Variants in FSTL4 observed in about 807,000 individuals in gnomAD.
FSTL4 encodes the protein follistatin like 4.
A neutral mutation model predicts 78.2 loss-of-function variants in FSTL4; 28 were observed. The observed-to-expected ratio is 0.36, with a 90% confidence interval of 0.27 to 0.49. The LOEUF is 0.49. Among genes scored for constraint, FSTL4 ranks in the 20% least tolerant of loss-of-function variants. The probability of loss-of-function intolerance (pLI) is 0.98; values close to 1 mark genes in which losing one functional copy is unlikely to be tolerated. For synonymous variants in FSTL4, 422 were observed against 440.5 expected (o/e 0.96, Z 0.53); for missense variants, 922 against 1,084.9 (o/e 0.85, Z 2.11).
intron 3 of FSTL4, among the ~76,000 whole-genome samples, chr5:133,556,496 C>T (rs1759789611): frequency 6.6e-6 from 1 of 152,124 alleles, no homozygotes; most frequent in African/African-American, 2.4e-5. Flanking sequence ...GAGGCTGAGG[C>T]AGGTGGATCA....
At chr5:133,567,879 C>T (rs1408425807) in intron 2 of FSTL4, among the ~76,000 whole-genome samples, 7 of 152,136 alleles carry the variant, frequency 4.6e-5, no homozygotes, top group Admixed American at 3.9e-4. Context: ...AAACTGAGTA[C>T]CTGCATTGAT....
the FSTL4 span, among the ~76,000 whole-genome samples, chr5:133,676,923 GTT>G: frequency 6.6e-6 from 1 of 152,140 alleles, no homozygotes; most frequent in Admixed American, 6.6e-5. Flanking sequence ...CACCACGAGG[GTT>G]TTAATCCTGC....
intron 3 of FSTL4, among the ~76,000 whole-genome samples, chr5:133,428,202 C>T (rs1200434291): frequency 6.6e-6 from 1 of 152,156 alleles, no homozygotes; most frequent in Non-Finnish European, 1.5e-5. Context: ...GGATTGCAGC[C>T]AATGTGTGGA....
At chr5:133,674,041 C>T in the FSTL4 span, among the ~76,000 whole-genome samples, 2 of 152,154 alleles carry the variant, frequency 1.3e-5, no homozygotes, top group Admixed American at 1.3e-4. Flanking sequence ...AATTACAGTG[C>T]ACGCTGTGAT....
At chr5:133,737,636 A>T in the FSTL4 span, among the ~76,000 whole-genome samples, 1 of 121,508 alleles carries the variant, frequency 8.2e-6, no homozygotes, top group Admixed American at 1.1e-4. Context: ...ACGGAGTCTC[A>T]CTCTGTCACC....
At chr5:133,610,500 T>C (rs1761066989) in intron 1 of FSTL4, among the ~76,000 whole-genome samples, 1 of 152,180 alleles carries the variant, frequency 6.6e-6, no homozygotes. Context: ...ATGGCAGAAA[T>C]GGTCTAGTGA....
chr5:133,279,669 C>A (rs987976377), intron 6 of FSTL4, among the ~76,000 whole-genome samples: 1 of 152,186 alleles, frequency 6.6e-6, no homozygotes, highest in African/African-American at 2.4e-5. Flanking sequence ...ATGAGACCCA[C>A]GTCAGGGCAT....
chr5:133,595,885 C>T (rs893455837), intron 2 of FSTL4, among the ~76,000 whole-genome samples: 1 of 152,208 alleles, frequency 6.6e-6, no homozygotes, highest in Non-Finnish European at 1.5e-5. Flanking sequence ...AGATTTTAGC[C>T]TCCGGGGCCC....
chr5:133,289,491 T>C (rs757476685), intron 6 of FSTL4, among the ~76,000 whole-genome samples: 14 of 152,232 alleles, frequency 9.2e-5, no homozygotes, highest in African/African-American at 1.7e-4. Context: ...CTTCCCTAGA[T>C]GGGTCAGGAG....
At chr5:133,233,288 A>T in intron 8 of FSTL4, 129 bp downstream of exon 8, 1 of 1,038,222 alleles carries the variant, frequency 9.6e-7, no homozygotes, top group Non-Finnish European at 1.4e-6. Context: ...TTTACTTATA[A>T]GAGAGATGAT....
At chr5:133,577,402 C>A (rs1434150026) in intron 2 of FSTL4, among the ~76,000 whole-genome samples, 1 of 152,078 alleles carries the variant, frequency 6.6e-6, no homozygotes, top group African/African-American at 2.4e-5. Flanking sequence ...TCAGATGGCT[C>A]TGGGGTTAGA....
the FSTL4 span, among the ~76,000 whole-genome samples, chr5:133,782,066 C>T: frequency 6.6e-6 from 1 of 152,180 alleles, no homozygotes; most frequent in African/African-American, 2.4e-5. Flanking sequence ...CAGATTTACC[C>T]ACCCCCACTG....
intron 4 of FSTL4, among the ~76,000 whole-genome samples, chr5:133,371,442 T>G (rs952079745): frequency 3.9e-5 from 6 of 152,180 alleles, no homozygotes; most frequent in Non-Finnish European, 5.9e-5. Flanking sequence ...AAAGCAAGCA[T>G]GAGGGAAGAG....
At chr5:133,538,388 A>G (rs1436377892) in intron 3 of FSTL4, among the ~76,000 whole-genome samples, 1 of 152,234 alleles carries the variant, frequency 6.6e-6, no homozygotes, top group Non-Finnish European at 1.5e-5. Context: ...ATCAAGAGGC[A>G]TATGATGTTG....
the FSTL4 span, among the ~76,000 whole-genome samples, chr5:133,809,704 G>A: frequency 6.6e-6 from 1 of 152,150 alleles, no homozygotes; most frequent in Non-Finnish European, 1.5e-5. Context: ...GAAGGAAGGA[G>A]TAAGGACCAG....
the FSTL4 span, among the ~76,000 whole-genome samples, chr5:133,814,121 A>C: frequency 1.3e-5 from 2 of 152,208 alleles, no homozygotes; most frequent in Non-Finnish European, 2.9e-5. Flanking sequence ...AAAACCTGAC[A>C]CTAATACTTC....
the FSTL4 span, among the ~76,000 whole-genome samples, chr5:133,781,903 T>C: frequency 1.3e-5 from 2 of 152,254 alleles, no homozygotes; most frequent in Non-Finnish European, 2.9e-5. Flanking sequence ...AAATATTTAA[T>C]AACCATTCAT....
intron 6 of FSTL4, among the ~76,000 whole-genome samples, chr5:133,295,474 G>A (rs1476518702): frequency 6.6e-6 from 1 of 152,064 alleles, no homozygotes; most frequent in Non-Finnish European, 1.5e-5. Flanking sequence ...AGCCTTCTTG[G>A]CCCTGCTATC....
chr5:133,591,976 G>A (rs1760637701), intron 2 of FSTL4, among the ~76,000 whole-genome samples: 1 of 152,084 alleles, frequency 6.6e-6, no homozygotes, highest in Non-Finnish European at 1.5e-5. Context: ...TGAATCCCCT[G>A]GCTCACAGAC....
Sources: gnomAD v4.1 joint callset for allele counts (sites outside exome capture counted in the v4.1 genomes callset) on GRCh38, gnomAD v4.1.1 for gene constraint, MANE v1.5 for transcripts, NCBI Gene and HGNC (gene_info 2026-07-23, HGNC 2026-07-21) for gene names.